Variants in MED14 observed in about 807,000 individuals in gnomAD.
The protein encoded by MED14 is mediator complex subunit 14.
MED14 carries 8 observed loss-of-function variants against 109.0 expected under a neutral mutation model. That is an observed-to-expected ratio of 0.07 (90% CI 0.04 to 0.13). MED14 has a LOEUF of 0.13. Ranked by LOEUF, MED14 falls within the 10% of genes least tolerant of loss-of-function variation. MED14 has a pLI of 1.00. For missense variants in MED14, 711 were observed against 1,142.4 expected (o/e 0.62, Z 5.44); for synonymous variants, 399 against 408.7 (o/e 0.98, Z 0.29).
In MED14 at chrX:40,675,092, TTC is replaced by T. The variant is rs1265486799; in HGVS notation, c.3021+127_3021+128del. The T allele has an allele frequency of 7.1e-6, 4 of 562,461 alleles. No homozygotes were observed. The African/African-American group carries it at 9.4e-5, about 13-fold the overall frequency. 46.4% of individuals were successfully genotyped at this position (562,461 alleles called of 1,213,427 possible). ...CTCGCCTCCTTCTGTAACTCTTTATTTCATAAGTATTTCCTGGGCATCTCAGG... is the reference window on the plus strand; with the variant it reads ...CTCGCCTCCTTCTGTAACTCTTTATTATAAGTATTTCCTGGGCATCTCAGG... On this transcript the variant is annotated intron_variant, in intron 22 of 30. Coordinates refer to ENST00000324817, the MANE Select transcript of MED14 (RefSeq NM_004229.4).
At chrX:40,707,238 C>T (rs888366337) in intron 10 of MED14, among the ~76,000 whole-genome samples, 4 of 111,994 alleles carry the variant, frequency 3.6e-5, no homozygotes, top group African/African-American at 1.3e-4. Context: ...GACAATTAAA[C>T]AGGAGAAAAT....
chrX:40,682,488 A>G (rs1373432196), intron 18 of MED14, 115 bp downstream of exon 18: 5 of 562,100 alleles, frequency 8.9e-6, no homozygotes, highest in Non-Finnish European at 1.4e-5. Context: ...AAGTTTTATT[A>G]GATATACTTT....
At position 40,729,356 on chromosome X, in the gene MED14, A is replaced by G. The variant is rs754949772; in HGVS notation, c.216-11T>C. On this transcript the variant is annotated splice_polypyrimidine_tract_variant and intron_variant, in intron 1 of 30. Coordinates refer to ENST00000324817, the MANE Select transcript of MED14 (RefSeq NM_004229.4). ...GATTTCCTTGGCAGTCTAAGAAGAAAAAAAAAAAACGGATTAGATACATGC... is the reference window on the plus strand; with the variant it reads ...GATTTCCTTGGCAGTCTAAGAAGAAGAAAAAAAAACGGATTAGATACATGC... 44 of 1,184,273 alleles carry G rather than the reference A, an allele frequency of 3.7e-5. No homozygotes were observed. The highest frequency in any genetic ancestry group is 1.7e-4 in the South Asian group (9 of 53,673).
chrX:40,729,203 T>C lies in MED14; in HGVS notation c.242+116A>G, dbSNP rs944188165. 1.7e-5 allele frequency: 11 copies of C among 654,931 alleles called. No homozygotes were observed. The Admixed American group carries it at 4.2e-4, about 25-fold the overall frequency. The allele number at this position is 654,931 out of a possible 1,213,427, so 54.0% of individuals were successfully genotyped here. On this transcript the variant is annotated intron_variant, in intron 2 of 30. Transcript: ENST00000324817. The stretch of plus-strand genomic sequence containing the variant: ...AAATACATGGTGTGAAAAATCATTC[T>C]AGACTCTTTGGGCCTAGGTTTCCAA...
Position 40,709,371 on chromosome X carries a change from C to T in MED14, c.1262G>A (p.Arg421Lys). 1 of 1,116,183 alleles carries T rather than the reference C, an allele frequency of 9.0e-7. No homozygotes were observed. The highest frequency in any genetic ancestry group is 2.4e-5 in the Admixed American group (1 of 41,253). 92.0% of individuals were successfully genotyped at this position (1,116,183 alleles called of 1,213,427 possible). A position where few individuals can be genotyped will look rare whatever the true frequency, so the allele number is the denominator to read the frequency against. The change falls in exon 10 of 31, where the codon AGA becomes AAA. Residue 421 changes from arginine (R) to lysine (K), a missense_variant. Arg to Lys is a conservative substitution (Grantham distance 26, BLOSUM62 2). Around this residue, in one of 8 missense-constraint regions of MED14, gnomAD observed 388 missense variants for 517.3 expected, o/e 0.75. Coordinates refer to ENST00000324817, the MANE Select transcript of MED14 (RefSeq NM_004229.4). ...QKLQELKAIL[R>K]GFNANENSSI... ...ACAGTTTTCATTGGCATTGAAGCCT[C>T]TAAGAATGGCCTTCAGTTCTTGGAG...
At chrX:40,691,986 A>G (rs1930530544) in intron 15 of MED14, among the ~76,000 whole-genome samples, 197 bp downstream of exon 15, 1 of 111,158 alleles carries the variant, frequency 9.0e-6, no homozygotes, top group African/African-American at 3.3e-5. Context: ...ATCTGGAATC[A>G]GAGAGATGAA....
chrX:40,704,111 T>C (rs1204931445), intron 10 of MED14, among the ~76,000 whole-genome samples: 1 of 112,173 alleles, frequency 8.9e-6, no homozygotes, highest in Non-Finnish European at 1.9e-5. Flanking sequence ...TCAAGTCATT[T>C]GTATACTCCA....
intron 1 of MED14, 181 bp from the exon 2 acceptor site, chrX:40,729,526 A>G (rs1932010161): frequency 2.3e-6 from 1 of 431,470 alleles, no homozygotes; most frequent in Non-Finnish European, 3.9e-6. Context: ...CAGTATGGTT[A>G]TAAGGCAAAA....
chrX:40,662,223 ATTTT>A (rs1199223456), intron 26 of MED14, among the ~76,000 whole-genome samples: 1 of 109,796 alleles, frequency 9.1e-6, no homozygotes, highest in African/African-American at 3.3e-5. Flanking sequence ...TTTTCTTCAA[ATTTT>A]TTTTCTCTTT....
At chrX:40,720,456 C>G (rs1354371321) in intron 3 of MED14, among the ~76,000 whole-genome samples, 2 of 112,052 alleles carry the variant, frequency 1.8e-5, no homozygotes, top group Non-Finnish European at 3.8e-5. Flanking sequence ...TTTGGACCAG[C>G]CTTGGCTAGA....
At chrX:40,658,059 G>C (rs111376660) in intron 28 of MED14, among the ~76,000 whole-genome samples, 1 of 103,961 alleles carries the variant, frequency 9.6e-6, no homozygotes, top group East Asian at 3.1e-4. Context: ...CTTCCAAAGT[G>C]CTAGGATTAC....
chrX:40,676,959 T>C (rs1220152544), intron 21 of MED14, among the ~76,000 whole-genome samples: 1 of 111,371 alleles, frequency 9.0e-6, no homozygotes, highest in African/African-American at 3.3e-5. Flanking sequence ...CAGACTAATA[T>C]GGGTACCTTT....
chrX:40,710,394 C>T (rs1359150397), intron 8 of MED14, among the ~76,000 whole-genome samples: 1 of 112,048 alleles, frequency 8.9e-6, no homozygotes, highest in Admixed American at 9.5e-5. Context: ...TACCTGTCTT[C>T]TAAGTAGTAT....
At chrX:40,695,104 C>T (rs968417551) in intron 13 of MED14, among the ~76,000 whole-genome samples, 1 of 111,060 alleles carries the variant, frequency 9.0e-6, no homozygotes, top group Non-Finnish European at 1.9e-5. Context: ...AGAAACTGGA[C>T]GGAAAAGGCA....
At chrX:40,729,298 G>GTT in intron 2 of MED14, 21 bp downstream of exon 2, 4 of 1,068,337 alleles carry the variant, frequency 3.7e-6, no homozygotes, top group South Asian at 2.1e-5. Context: ...GACTTTAAGG[G>GTT]TTTTTTTTTT....
At chrX:40,723,669 A>C (rs1487095974) in intron 3 of MED14, among the ~76,000 whole-genome samples, 1 of 56,982 alleles carries the variant, frequency 1.8e-5, no homozygotes, top group Non-Finnish European at 3.9e-5. Context: ...CCGTCTCAGA[A>C]AAAAAAAAAA....
chrX:40,698,073 A>G (rs1219262713), intron 12 of MED14, among the ~76,000 whole-genome samples: 1 of 112,563 alleles, frequency 8.9e-6, no homozygotes, highest in African/African-American at 3.2e-5. Context: ...AGGAATGAAG[A>G]TAAATTTTGA....
Position 40,714,584 on chromosome X carries a change from C to A in MED14, c.475G>T (p.Asp159Tyr). 1 of 1,211,642 alleles carries A rather than the reference C, an allele frequency of 8.3e-7. No homozygotes were observed. The highest frequency in any genetic ancestry group is 1.1e-6 in the Non-Finnish European group (1 of 895,446). The stretch of plus-strand genomic sequence containing the variant: ...GGGTAAGATCCAGTAGTTAGTACAT[C>A]AATGGCATATGGGATGGCAAAACTA... ...LPSFAIPYAIDVLTTGSYPRL... is the reference protein window; with the variant it reads ...LPSFAIPYAIYVLTTGSYPRL... Residue 159 changes from aspartate to tyrosine, a missense_variant, in exon 4 of 31, where the codon GAT becomes TAT. Asp to Tyr is a radical substitution (Grantham distance 160). Transcript: ENST00000324817.
chrX:40,649,256 T>A lies in MED14; in HGVS notation c.*2550A>T, dbSNP rs1928770212. On this transcript the variant is annotated 3_prime_UTR_variant, in exon 31 of 31. Coordinates refer to ENST00000324817, the MANE Select transcript of MED14 (RefSeq NM_004229.4). ...TTAGAACACAGTTATTAGTGGTTCT[T>A]AAATTCAAAGTCATATAAATTTTAG... 7.9e-6 allele frequency: 1 copy of A among 126,599 alleles called. No individual in the cohort carries two copies. The highest frequency in any genetic ancestry group is 1.6e-5 in the Non-Finnish European group (1 of 63,202). 10.4% of individuals were successfully genotyped at this position (126,599 alleles called of 1,213,427 possible).
Sources: gnomAD v4.1 joint callset for allele counts (sites outside exome capture counted in the v4.1 genomes callset) on GRCh38, gnomAD v4.1.1 for gene constraint, gnomAD v4.1.1 regional missense constraint, MANE v1.5 for transcripts, NCBI Gene and HGNC (gene_info 2026-07-23, HGNC 2026-07-21) for gene names.